TRIP12: variants seen among roughly 807,000 people sequenced by gnomAD.
TRIP12 encodes the protein E3 ubiquitin-protein ligase TRIP12.
In TRIP12, 25 loss-of-function variants were observed where a neutral mutation model predicts 244.2. The observed-to-expected ratio is 0.10, with a 90% CI of 0.07 to 0.14. The LOEUF is 0.14. Ranked by LOEUF, TRIP12 falls within the 10% of genes least tolerant of loss-of-function variation. The pLI is 1.00. For missense variants in TRIP12, 1,677 were observed against 2,486.4 expected (o/e 0.67, Z 6.92); for synonymous variants, 905 against 873.1 (o/e 1.04, Z -0.64).
Position 229,803,649 on chromosome 2 carries a change from C to T in TRIP12, c.2920G>A (p.Val974Ile), listed in dbSNP as rs1041238634. ...TCTGCCATCTGAAGTGCTCCCACTA[C>T]TATCTTCAGGTCTTGGCTTGACAGC... ...SMLSSQDLKI[V>I]VGALQMAEIL... Residue 974 changes from valine to isoleucine, a missense_variant, in exon 20 of 42, where the codon GTA (valine) becomes ATA (isoleucine). Coordinates refer to ENST00000675903, the MANE Select transcript of TRIP12 (RefSeq NM_001348323.3). The T allele has an allele frequency of 5.0e-6, 8 of 1,613,284 alleles. No individual in the cohort carries two copies. The highest frequency in any genetic ancestry group is 6.8e-6 in the Non-Finnish European group (8 of 1,179,808).
chr2:229,769,457 C>CAAA (rs370850855), intron 39 of TRIP12, 132 bp from the exon 40 acceptor site: 14 of 286,830 alleles, frequency 4.9e-5, no homozygotes, highest in African/African-American at 3.0e-4. Flanking sequence ...GACCTCTTTC[C>CAAA]AAAAAAAAAA....
chr2:229,775,345 C>G (rs1038878371), intron 37 of TRIP12, among the ~76,000 whole-genome samples: 1 of 147,676 alleles, frequency 6.8e-6, no homozygotes, highest in African/African-American at 2.5e-5. Flanking sequence ...CAAAGGGAGG[C>G]ATTTTATTTT....
chr2:229,803,888 ACTC>A, intron 19 of TRIP12, 108 bp downstream of exon 19: 1 of 990,280 alleles, frequency 1.0e-6, no homozygotes, highest in Non-Finnish European at 1.5e-6. Context: ...AGCTCAAGAT[ACTC>A]CTAACAAATT....
intron 8 of TRIP12, among the ~76,000 whole-genome samples, chr2:229,820,224 G>C (rs2049665795): frequency 6.6e-6 from 1 of 152,022 alleles, no homozygotes; most frequent in Non-Finnish European, 1.5e-5. Context: ...GAACCAACAT[G>C]TATGCAACTA....
intron 7 of TRIP12, 97 bp from the exon 8 acceptor site, chr2:229,829,385 A>G (rs1211722461): frequency 3.3e-6 from 3 of 911,648 alleles, no homozygotes; most frequent in African/African-American, 3.4e-5. Flanking sequence ...CGCTTAACTG[A>G]TTCAGTCAAT....
Position 229,764,513 on chromosome 2 carries a change from ATTTT to A in TRIP12, c.*3037_*3040del, listed in dbSNP as rs532683911. 1 of 150,056 alleles carries A rather than the reference ATTTT, an allele frequency of 6.7e-6. No homozygotes were observed. Among genetic ancestry groups the A allele is most frequent in the Non-Finnish European group, 1.5e-5 (1 of 67,274 alleles). 9.3% of individuals were successfully genotyped at this position (150,056 alleles called of 1,614,324 possible). A position where few individuals can be genotyped will look rare whatever the true frequency, so the allele number is the denominator to read the frequency against. ...GCACTTTTATGAAAAACTTCATCACATTTTTTTTTTGGAATAGACTCCACTCTCA... is the reference window on the plus strand; with the variant it reads ...GCACTTTTATGAAAAACTTCATCACATTTTTTGGAATAGACTCCACTCTCA... On this transcript the variant is annotated 3_prime_UTR_variant, in exon 42 of 42. Transcript: ENST00000675903.
intron 25 of TRIP12, 56 bp from the exon 26 acceptor site, chr2:229,795,386 C>A: frequency 6.5e-7 from 1 of 1,546,098 alleles, no homozygotes; most frequent in South Asian, 1.2e-5. Context: ...ACAAAAGTCT[C>A]CTCAAAGAGA....
At chr2:229,881,450 G>A (rs187694862) in intron 1 of TRIP12, among the ~76,000 whole-genome samples, 4 of 152,254 alleles carry the variant, frequency 2.6e-5, no homozygotes, top group African/African-American at 9.6e-5. Flanking sequence ...GTGCCAAAGA[G>A]AATGCAAATT....
intron 1 of TRIP12, among the ~76,000 whole-genome samples, chr2:229,910,477 T>C (rs1352955674): frequency 1.3e-5 from 2 of 152,152 alleles, no homozygotes; most frequent in African/African-American, 4.8e-5. Flanking sequence ...ATTCCTTAAA[T>C]GATTCAAGAA....
chr2:229,891,247 C>A (rs2067279731), intron 1 of TRIP12, among the ~76,000 whole-genome samples: 2 of 151,896 alleles, frequency 1.3e-5, no homozygotes, highest in African/African-American at 2.4e-5. Flanking sequence ...ATGGTGAAAC[C>A]CCCTCTCTAC....
intron 33 of TRIP12, among the ~76,000 whole-genome samples, chr2:229,787,262 T>TAAAAGAG: frequency 6.6e-6 from 1 of 151,772 alleles, no homozygotes; most frequent in Non-Finnish European, 1.5e-5. Context: ...TTACGGCAAC[T>TAAAAGAG]AAAAGAGAAA....
chr2:229,885,903 A>G (rs2065915236), intron 1 of TRIP12, among the ~76,000 whole-genome samples: 1 of 152,020 alleles, frequency 6.6e-6, no homozygotes, highest in Non-Finnish European at 1.5e-5. Flanking sequence ...TTAATTAGAG[A>G]CAATATTATA....
intron 1 of TRIP12, among the ~76,000 whole-genome samples, chr2:229,915,984 T>C (rs1245749435): frequency 6.6e-6 from 1 of 152,224 alleles, no homozygotes; most frequent in Non-Finnish European, 1.5e-5. Context: ...CATGAGCCAC[T>C]GGGTCAAATG....
At chr2:229,858,268 C>T (rs1468267135) in intron 4 of TRIP12, among the ~76,000 whole-genome samples, 4 of 152,134 alleles carry the variant, frequency 2.6e-5, no homozygotes, top group African/African-American at 9.7e-5. Context: ...GAGGCCAAGG[C>T]AAGAGGATTG....
chr2:229,789,553 A>T, intron 31 of TRIP12, 58 bp downstream of exon 31: 1 of 1,568,268 alleles, frequency 6.4e-7, no homozygotes, highest in Non-Finnish European at 8.7e-7. Context: ...TTCTAGTGCA[A>T]TAGGAAATTT....
At chr2:229,922,946 A>G (rs1239739134), upstream of TRIP12, among the ~76,000 whole-genome samples, 1 of 152,174 alleles carries the variant, frequency 6.6e-6, no homozygotes, top group African/African-American at 2.4e-5. Context: ...GCCTCACCTC[A>G]GCGTGAGAAG....
At chr2:229,777,173 CTTAG>C (rs573205930) in intron 37 of TRIP12, 138 bp downstream of exon 37, 149 of 911,362 alleles carry the variant, frequency 1.6e-4, no homozygotes, top group African/African-American at 1.1e-3. Context: ...AATCATATGT[CTTAG>C]TTAGTACAAT....
intron 9 of TRIP12, among the ~76,000 whole-genome samples, chr2:229,816,711 G>A (rs1350975051): frequency 6.6e-6 from 1 of 152,130 alleles, no homozygotes; most frequent in East Asian, 1.9e-4. Flanking sequence ...TAGACTTAAT[G>A]GCTTCTTTAT....
intron 1 of TRIP12, among the ~76,000 whole-genome samples, chr2:229,896,578 C>G (rs1339709599): frequency 4.6e-5 from 7 of 152,022 alleles, no homozygotes; most frequent in Non-Finnish European, 8.8e-5. Context: ...CGCCACTGCA[C>G]TCCACCCTGG....
Sources: gnomAD v4.1 joint callset for allele counts (sites outside exome capture counted in the v4.1 genomes callset) on GRCh38, gnomAD v4.1.1 for gene constraint, MANE v1.5 for transcripts, NCBI Gene and HGNC (gene_info 2026-07-23, HGNC 2026-07-21) for gene names.